Variants in TBC1D22A observed in about 807,000 individuals in gnomAD.
TBC1D22A encodes putative GTPase activator.
Under a neutral mutation model 60.2 loss-of-function variants are expected in TBC1D22A, and 38 were observed. The ratio of observed to expected loss-of-function variants is 0.63; its 90% CI spans 0.49 to 0.83. TBC1D22A has a LOEUF of 0.83. TBC1D22A is among the 40% of genes least tolerant of loss of function. The pLI is 0.00. For synonymous variants in TBC1D22A, 302 were observed against 281.7 expected (o/e 1.07, Z -0.72); for missense variants, 628 against 701.0 (o/e 0.90, Z 1.18).
intron 11 of TBC1D22A, among the ~76,000 whole-genome samples, chr22:47,106,503 A>G (rs1161569370): frequency 6.6e-6 from 1 of 152,220 alleles, no homozygotes; most frequent in African/African-American, 2.4e-5. Flanking sequence ...TAAAATAATA[A>G]CCAACTTAGA....
intron 11 of TBC1D22A, among the ~76,000 whole-genome samples, chr22:47,076,503 T>C (rs552771035): frequency 2.0e-5 from 3 of 151,926 alleles, no homozygotes; most frequent in African/African-American, 7.2e-5. Context: ...ATTTGGACAT[T>C]TTAAAATGCA....
intron 4 of TBC1D22A, among the ~76,000 whole-genome samples, chr22:46,855,597 C>T (rs571602520): frequency 2.0e-4 from 31 of 152,120 alleles, no homozygotes; most frequent in Non-Finnish European, 3.7e-4. Flanking sequence ...CCATGCCGTC[C>T]CTTTCACGGA....
Position 46,783,713 on chromosome 22 carries a change from A to G in TBC1D22A, c.63-8807A>G, listed in dbSNP as rs1322786640. Among the ~76,000 whole-genome samples the G allele has an allele frequency of 5.3e-5, 8 of 152,148 alleles. No individual in the cohort carries two copies. In the East Asian group the frequency reaches 1.5e-3, roughly 29 times the overall value. On this transcript the variant is annotated intron_variant, in intron 1 of 12. Transcript: ENST00000337137. ...TCCTCTTCAGTGTTCTGTTGATGACATTTATTTGGATTGGTTCTGGTGGTT... is the reference window on the plus strand; with the variant it reads ...TCCTCTTCAGTGTTCTGTTGATGACGTTTATTTGGATTGGTTCTGGTGGTT...
intron 8 of TBC1D22A, among the ~76,000 whole-genome samples, chr22:46,935,371 C>CA: frequency 6.6e-6 from 1 of 152,096 alleles, no homozygotes; most frequent in African/African-American, 2.4e-5. Flanking sequence ...AAAAGTGAGT[C>CA]AAAAAAATTA....
intron 8 of TBC1D22A, among the ~76,000 whole-genome samples, chr22:46,955,256 G>T (rs1040178887): frequency 2.0e-5 from 3 of 152,328 alleles, no homozygotes; most frequent in East Asian, 1.9e-4. Flanking sequence ...CCAAAGCAGG[G>T]TTAATTACTA....
chr22:47,134,851 G>A (rs529158823), intron 12 of TBC1D22A, among the ~76,000 whole-genome samples: 1 of 152,336 alleles, frequency 6.6e-6, no homozygotes, highest in Admixed American at 6.5e-5. Context: ...CAGCCTCCAG[G>A]GTCCTCTGCC....
At chr22:47,109,476 C>T (rs995499474) in intron 11 of TBC1D22A, among the ~76,000 whole-genome samples, 5 of 152,278 alleles carry the variant, frequency 3.3e-5, no homozygotes, top group Admixed American at 3.3e-4. Flanking sequence ...GGCCCCAGCT[C>T]GCTGGTCATT....
chr22:46,813,001 C>T (rs867470941), intron 4 of TBC1D22A, among the ~76,000 whole-genome samples: 22 of 152,118 alleles, frequency 1.4e-4, no homozygotes, highest in Non-Finnish European at 5.9e-5. Context: ...GTGATTTATG[C>T]GGCCGCTGCT....
At chr22:46,960,149 T>C (rs182157559) in intron 8 of TBC1D22A, among the ~76,000 whole-genome samples, 53 of 152,366 alleles carry the variant, frequency 3.5e-4, no homozygotes, top group African/African-American at 1.1e-3. Flanking sequence ...AACTAAGTGC[T>C]TCTTACCTGC....
intron 12 of TBC1D22A, among the ~76,000 whole-genome samples, chr22:47,121,713 A>T (rs992451486): frequency 6.6e-6 from 1 of 151,214 alleles, no homozygotes; most frequent in African/African-American, 2.5e-5. Context: ...TTTGAAAAAA[A>T]ATTTTTTTTT....
chr22:47,002,397 C>T (rs1650113482), intron 10 of TBC1D22A, among the ~76,000 whole-genome samples: 1 of 152,196 alleles, frequency 6.6e-6, no homozygotes, highest in South Asian at 2.1e-4. Context: ...GAGTCAGAGC[C>T]CCTCTGTGTG....
intron 11 of TBC1D22A, among the ~76,000 whole-genome samples, chr22:47,060,931 G>A (rs1202012900): frequency 2.0e-5 from 3 of 152,188 alleles, no homozygotes; most frequent in African/African-American, 4.8e-5. Context: ...TTATTGTCAG[G>A]GGCCTTGTCT....
intron 9 of TBC1D22A, among the ~76,000 whole-genome samples, chr22:46,989,278 G>A (rs136131): frequency 0.24 from 36,547 of 151,910 alleles, 4,700 homozygotes; most frequent in East Asian, 0.29. Flanking sequence ...CTTAACATTC[G>A]TGTGTTCACT....
intron 4 of TBC1D22A, 102 bp downstream of exon 4, chr22:46,797,722 G>A (rs985129040): frequency 4.9e-6 from 6 of 1,225,248 alleles, no homozygotes; most frequent in African/African-American, 1.6e-5. Context: ...TAATGCACAC[G>A]CGTCCGTGTG....
At chr22:47,015,439 G>T (rs1003996072) in intron 10 of TBC1D22A, among the ~76,000 whole-genome samples, 5 of 152,184 alleles carry the variant, frequency 3.3e-5, no homozygotes, top group African/African-American at 1.2e-4. Context: ...CGCCCACCCC[G>T]TTTTACACTT....
chr22:46,817,661 G>A (rs759292722), intron 4 of TBC1D22A, among the ~76,000 whole-genome samples: 52 of 152,154 alleles, frequency 3.4e-4, no homozygotes, highest in Admixed American at 1.1e-3. Flanking sequence ...ATCATTGATG[G>A]GCATTTGGGT....
intron 11 of TBC1D22A, among the ~76,000 whole-genome samples, chr22:47,057,090 C>T (rs191704054): frequency 1.3e-5 from 2 of 152,356 alleles, no homozygotes; most frequent in Admixed American, 1.3e-4. Context: ...GCATTCTGGC[C>T]TGGGAGTCAG....
At chr22:46,843,258 T>TA (rs1438687741) in intron 4 of TBC1D22A, among the ~76,000 whole-genome samples, 3 of 152,256 alleles carry the variant, frequency 2.0e-5, no homozygotes, top group Admixed American at 1.3e-4. Context: ...AATACAGTAA[T>TA]ACAAACCACC....
intron 8 of TBC1D22A, among the ~76,000 whole-genome samples, chr22:46,916,919 G>A (rs1330640650): frequency 6.6e-6 from 1 of 152,176 alleles, no homozygotes; most frequent in African/African-American, 2.4e-5. Context: ...GGAAGGTTTC[G>A]CAGCTCATAA....
Sources: gnomAD v4.1 joint callset for allele counts (sites outside exome capture counted in the v4.1 genomes callset) on GRCh38, gnomAD v4.1.1 for gene constraint, MANE v1.5 for transcripts, NCBI Gene and HGNC (gene_info 2026-07-23, HGNC 2026-07-21) for gene names.